DHRSX: variants seen among roughly 807,000 people sequenced by gnomAD.
DHRSX encodes the protein dehydrogenase/reductase X-linked.
A neutral mutation model predicts 34.0 loss-of-function variants in DHRSX; 31 were observed. The ratio of observed to expected loss-of-function variants is 0.91; its 90% CI spans 0.69 to 1.23. The LOEUF is 1.23. Ranked by LOEUF, DHRSX falls within the 50% of genes most tolerant of loss-of-function variation. The pLI is 0.00. For synonymous variants in DHRSX, 201 were observed against 183.8 expected, an observed-to-expected ratio of 1.09 and a Z score of -0.76; for missense variants, 414 against 428.1, an observed-to-expected ratio of 0.97 and a Z score of 0.29.
rs148302774 is a variant in DHRSX, at chrX:2,471,161, A to G, written c.109+29656T>C. 3.1e-3 allele frequency among the ~76,000 whole-genome samples: 465 copies of G among 152,322 alleles called. 9 individuals are homozygous for G. Among genetic ancestry groups the G allele is most frequent in the African/African-American group, 9.8e-3 (407 of 41,570 alleles). On this transcript the variant is annotated intron_variant, in intron 1 of 6. Transcript: ENST00000334651. ...AGAAAACAAAACAAGTCCCAGTTTCAAGGACAGCTGTGACATATTTAACAG... is the reference window on the plus strand; with the variant it reads ...AGAAAACAAAACAAGTCCCAGTTTCGAGGACAGCTGTGACATATTTAACAG...
At chrX:2,462,492 G>A (rs2044416964) in intron 1 of DHRSX, among the ~76,000 whole-genome samples, 1 of 151,702 alleles carries the variant, frequency 6.6e-6, no homozygotes, top group Non-Finnish European at 1.5e-5. Context: ...CCAAGATCGT[G>A]CCACTGTACT....
At chrX:2,222,897 T>C (rs1208627277) in intron 6 of DHRSX, among the ~76,000 whole-genome samples, 1 of 152,168 alleles carries the variant, frequency 6.6e-6, no homozygotes, top group Non-Finnish European at 1.5e-5. Context: ...GCCCATCCTC[T>C]GGGTGCCGAG....
At chrX:2,489,748 C>G in intron 1 of DHRSX, 4 of 1,613,318 alleles carry the variant, frequency 2.5e-6, no homozygotes, top group Non-Finnish European at 3.4e-6. Flanking sequence ...CCACGGCAGA[C>G]TGCTGGAAGT....
chrX:2,262,500 C>T (rs754731336), intron 5 of DHRSX, among the ~76,000 whole-genome samples: 2 of 152,256 alleles, frequency 1.3e-5, no homozygotes, highest in South Asian at 4.2e-4. Context: ...ACACACAACT[C>T]ACCTGTGCAT....
Position 2,245,600 on chromosome X carries a change from G to A in DHRSX, c.597-2370C>T, listed in dbSNP as rs374213532. On this transcript the variant is annotated intron_variant, in intron 5 of 6. Transcript: ENST00000334651. ...GCTGGGATTACAGGCGTGAGCCACC[G>A]CACCCACCCCAACGTAGCTCTTACA... 1.6e-3 allele frequency among the ~76,000 whole-genome samples: 240 copies of A among 150,346 alleles called. 1 individual carries two copies. Among genetic ancestry groups the A allele is most frequent in the African/African-American group, 5.2e-3 (213 of 41,060 alleles).
rs762460768 is a variant in DHRSX, at chrX:2,419,979, T to A, written c.217+5218A>T. ...AACTTAAAGTATAATAATAAAATTT[T>A]AAAAAAAAAGTTTCTATGGTTTGCA... On this transcript the variant is annotated intron_variant, in intron 2 of 6. Transcript: ENST00000334651. Among the ~76,000 whole-genome samples, 1,161 of 151,604 alleles carry A rather than the reference T, an allele frequency of 7.7e-3. 8 individuals are homozygous for A. Among genetic ancestry groups the A allele is most frequent in the African/African-American group, 0.023 (962 of 41,332 alleles).
chrX:2,287,564 C>T (rs1183440276), intron 4 of DHRSX, among the ~76,000 whole-genome samples: 5 of 148,078 alleles, frequency 3.4e-5, no homozygotes, highest in African/African-American at 1.3e-4. Flanking sequence ...ATCCGAATCC[C>T]CATGTGGGAG....
rs1374998959 is a variant in DHRSX at position 2,425,294 on chromosome X, T to TG, written c.119dup (p.Arg41ThrfsTer3). 1.9e-6 allele frequency: 3 copies of TG among 1,613,016 alleles called. No individual in the cohort carries two copies. Among genetic ancestry groups the TG allele is most frequent in the Non-Finnish European group, 2.5e-6 (3 of 1,179,368 alleles). On this transcript the variant is annotated frameshift_variant, in exon 2 of 7. Transcript: ENST00000334651. LOFTEE classifies it high-confidence loss of function. ...TCACTATAGCGACACGGTCAGGTCG[T>TG]GGGGGGAAAACTGAAAAAGAAGAAG... is the stretch of plus-strand genomic sequence containing the variant.
chrX:2,283,702 G>T (rs1429019114), intron 4 of DHRSX, among the ~76,000 whole-genome samples: 1 of 152,186 alleles, frequency 6.6e-6, no homozygotes, highest in Non-Finnish European at 1.5e-5. Context: ...TCTTGTAGGT[G>T]CCCTGTGCCC....
At chrX:2,460,140 A>T (rs1403364062) in intron 1 of DHRSX, among the ~76,000 whole-genome samples, 3 of 152,074 alleles carry the variant, frequency 2.0e-5, no homozygotes, top group African/African-American at 7.2e-5. Context: ...AAGTATCCAC[A>T]CTGCAGCGTG....
At chrX:2,261,079 G>T (rs904120633) in intron 5 of DHRSX, among the ~76,000 whole-genome samples, 5 of 151,912 alleles carry the variant, frequency 3.3e-5, no homozygotes, top group South Asian at 4.2e-4. Context: ...GTGTGGTGGT[G>T]CATGCCTGTA....
chrX:2,483,689 G>T (rs1201351898), intron 1 of DHRSX, among the ~76,000 whole-genome samples: 4 of 146,518 alleles, frequency 2.7e-5, no homozygotes, highest in Non-Finnish European at 5.9e-5. Flanking sequence ...GTTACCTAAA[G>T]AAACACAGAG....
chrX:2,239,682 C>T (rs760721909), intron 6 of DHRSX, among the ~76,000 whole-genome samples: 12 of 151,894 alleles, frequency 7.9e-5, no homozygotes, highest in African/African-American at 2.4e-4. Context: ...GGCAGGAGAA[C>T]GGCATGAACC....
At chrX:2,333,454 G>A (rs1285486454) in intron 3 of DHRSX, among the ~76,000 whole-genome samples, 5 of 152,206 alleles carry the variant, frequency 3.3e-5, no homozygotes, top group East Asian at 1.9e-4. Context: ...CCACTCTGCC[G>A]CCCAGGCTTG....
At chrX:2,266,984 G>A in intron 4 of DHRSX, 37 bp from the exon 5 acceptor site, 1 of 1,601,234 alleles carries the variant, frequency 6.2e-7, no homozygotes, top group Non-Finnish European at 8.6e-7. Flanking sequence ...GTTAGACTGG[G>A]GAAGACAGTG....
intron 3 of DHRSX, among the ~76,000 whole-genome samples, chrX:2,361,607 G>A (rs149212165): frequency 0.047 from 7,227 of 152,150 alleles, 213 homozygotes; most frequent in African/African-American, 0.087. Context: ...ATCTGCCCAA[G>A]TATTAGAGGG....
At chrX:2,294,057 GC>G (rs1238378529) in intron 3 of DHRSX, among the ~76,000 whole-genome samples, 1 of 87,352 alleles carries the variant, frequency 1.1e-5, no homozygotes, top group Non-Finnish European at 3.1e-5. Context: ...AAAGATAGAA[GC>G]AGAGAGAGAG....
intron 3 of DHRSX, among the ~76,000 whole-genome samples, chrX:2,339,116 T>G (rs2042607842): frequency 6.6e-6 from 1 of 152,066 alleles, no homozygotes; most frequent in Non-Finnish European, 1.5e-5. Flanking sequence ...TTACAGGCAG[T>G]ATCTGGTTAT....
intron 1 of DHRSX, among the ~76,000 whole-genome samples, chrX:2,471,491 G>C (rs1421075536): frequency 1.3e-5 from 2 of 151,754 alleles, no homozygotes; most frequent in Non-Finnish European, 2.9e-5. Context: ...TCAAACCCGG[G>C]AGATGTTGGC....
Sources: allele counts gnomAD v4.1 joint callset (sites outside exome capture counted in the v4.1 genomes callset), GRCh38; gene constraint gnomAD v4.1.1; transcripts MANE v1.5; gene names NCBI Gene and HGNC (gene_info 2026-07-23, HGNC 2026-07-21).